The following NBAS variants were observed in gnomAD, a reference collection of about 807,000 sequenced individuals.
The protein encoded by NBAS is NBAS subunit of NRZ tethering complex.
A neutral mutation model predicts 302.5 loss-of-function variants in NBAS; 219 were observed. The observed-to-expected ratio is 0.72, with a 90% CI of 0.65 to 0.81. The LOEUF (loss-of-function observed/expected upper bound fraction) is 0.81. Among genes scored for constraint, NBAS ranks in the 30% least tolerant of loss-of-function variants. NBAS has a pLI of 0.00. For synonymous variants in NBAS, 1,118 were observed against 1,021.6 expected (o/e 1.09, Z -1.80); for missense variants, 2,932 against 2,841.6 (o/e 1.03, Z -0.72).
At chr2:15,328,705 T>A (rs1417383501) in intron 36 of NBAS, among the ~76,000 whole-genome samples, 1 of 152,182 alleles carries the variant, frequency 6.6e-6, no homozygotes, top group Non-Finnish European at 1.5e-5. Context: ...TAAAAATCCT[T>A]TAGTAGCTCT....
At chr2:15,087,715 G>C in the NBAS span, among the ~76,000 whole-genome samples, 1 of 152,250 alleles carries the variant, frequency 6.6e-6, no homozygotes, top group African/African-American at 2.4e-5. Flanking sequence ...CAGCCGGTGA[G>C]AAATTGATGA....
chr2:14,852,420 G>T, the NBAS span, among the ~76,000 whole-genome samples: 43 of 88,136 alleles, frequency 4.9e-4, 10 homozygotes, highest in African/African-American at 2.4e-3. Flanking sequence ...CACTGCTCAA[G>T]GAAATAAAAG....
chr2:15,299,384 C>T (rs1209596821), intron 40 of NBAS, among the ~76,000 whole-genome samples: 1 of 152,164 alleles, frequency 6.6e-6, no homozygotes, highest in Non-Finnish European at 1.5e-5. Flanking sequence ...CAACAAAATG[C>T]TCAATGACTT....
At chr2:14,863,736 C>T in the NBAS span, among the ~76,000 whole-genome samples, 15 of 152,172 alleles carry the variant, frequency 9.9e-5, no homozygotes, top group Non-Finnish European at 1.8e-4. Flanking sequence ...AACGAATTGG[C>T]TTTTAATACA....
intron 21 of NBAS, among the ~76,000 whole-genome samples, chr2:15,439,805 A>G (rs559378357): frequency 6.6e-5 from 10 of 152,324 alleles, no homozygotes; most frequent in African/African-American, 2.4e-4. Flanking sequence ...TCCCACACGA[A>G]TACTGCGCTT....
chr2:15,153,029 C>T, the NBAS span, among the ~76,000 whole-genome samples: 2 of 152,166 alleles, frequency 1.3e-5, no homozygotes, highest in Non-Finnish European at 2.9e-5. Context: ...TTTTTAGGCT[C>T]ACACAGGTTG....
chr2:15,508,407 C>T (rs1172307697), intron 10 of NBAS, among the ~76,000 whole-genome samples: 6 of 152,148 alleles, frequency 3.9e-5, no homozygotes, highest in African/African-American at 1.4e-4. Flanking sequence ...CACTTGCTTG[C>T]CTACTGGGTC....
At position 15,318,930 on chromosome 2, in the gene NBAS, A is replaced by G. The variant is rs150268352; in HGVS notation, c.4582+8820T>C. Among the ~76,000 whole-genome samples the G allele has an allele frequency of 4.5e-3, 690 of 152,290 alleles. 10 individuals are homozygous for G. The highest frequency in any genetic ancestry group is 0.042 in the East Asian group (217 of 5,182). On this transcript the variant is annotated intron_variant, in intron 38 of 51. Transcript: ENST00000281513. ...GACATCTACAGAACTCTCCACCCCA[A>G]ATCAACAGAATATACATTCTTCTTG...
intron 36 of NBAS, among the ~76,000 whole-genome samples, chr2:15,329,495 G>A (rs1199826357): frequency 1.3e-5 from 2 of 152,158 alleles, no homozygotes; most frequent in Non-Finnish European, 2.9e-5. Context: ...GCACTTAAAT[G>A]AGCATAGTAA....
Position 15,276,755 on chromosome 2 carries a change from C to T in NBAS, c.5389+96G>A. ...TTCAAAATTCTGTGGTTTCAGAGCT[C>T]TGCAACCATAATGCATGAACAGGAT... On this transcript the variant is annotated intron_variant, in intron 43 of 51. Coordinates refer to ENST00000281513, the MANE Select transcript of NBAS (RefSeq NM_015909.4). 6.3e-6 allele frequency: 10 copies of T among 1,584,770 alleles called. No individual in the cohort carries two copies. In the South Asian group the frequency reaches 1.1e-4, roughly 18 times the overall value.
chr2:15,287,912 T>C (rs554844977), intron 41 of NBAS, among the ~76,000 whole-genome samples: 5 of 149,348 alleles, frequency 3.3e-5, no homozygotes, highest in Non-Finnish European at 7.4e-5. Flanking sequence ...GAGCACCCCG[T>C]GTAGGCATCC....
At chr2:15,302,310 G>T (rs941867908) in intron 40 of NBAS, among the ~76,000 whole-genome samples, 2 of 152,164 alleles carry the variant, frequency 1.3e-5, no homozygotes, top group African/African-American at 4.8e-5. Context: ...GAAGTCCCTG[G>T]AGAACTAGCT....
the NBAS span, among the ~76,000 whole-genome samples, chr2:14,979,167 A>G: frequency 6.6e-6 from 1 of 152,226 alleles, no homozygotes; most frequent in Non-Finnish European, 1.5e-5. Context: ...ATGCAATAAC[A>G]CTATAAAATA....
the NBAS span, among the ~76,000 whole-genome samples, chr2:15,110,999 G>C: frequency 6.6e-6 from 1 of 152,020 alleles, no homozygotes; most frequent in Non-Finnish European, 1.5e-5. Context: ...ACATCTATAA[G>C]AAAAGAAACA....
At chr2:15,372,903 A>C (rs1249087243) in intron 31 of NBAS, among the ~76,000 whole-genome samples, 2 of 152,194 alleles carry the variant, frequency 1.3e-5, no homozygotes, top group Non-Finnish European at 2.9e-5. Context: ...GTGGACTGTA[A>C]GAAAATGTTT....
the NBAS span, among the ~76,000 whole-genome samples, chr2:14,880,746 G>A: frequency 2.0e-5 from 3 of 151,980 alleles, no homozygotes; most frequent in East Asian, 5.8e-4. Flanking sequence ...CAATGTAACA[G>A]AACTAATATT....
chr2:15,415,499 G>A lies in NBAS; in HGVS notation c.2937+47C>T, dbSNP rs758497835. The A allele has an allele frequency of 3.3e-6, 5 of 1,532,724 alleles. No individual in the cohort carries two copies. The Admixed American group carries it at 6.7e-5, about 20-fold the overall frequency. The allele number at this position is 1,532,724 out of a possible 1,614,324, so 94.9% of individuals were successfully genotyped here. ...AATTGTATAAATAAAACCTAATACT[G>A]TAGGGGAAAAAGTGCCCAGAATTTT... On this transcript the variant is annotated intron_variant, in intron 25 of 51. Transcript: ENST00000281513.
chr2:14,794,490 C>T, the NBAS span, among the ~76,000 whole-genome samples: 10 of 151,836 alleles, frequency 6.6e-5, no homozygotes, highest in South Asian at 2.1e-4. Context: ...TATTGTAAGC[C>T]GAGAAACCAT....
Position 15,180,077 on chromosome 2 carries a change from G to A in NBAS, c.6712-961C>T, listed in dbSNP as rs532542740. 7.2e-5 allele frequency: 11 copies of A among 152,218 alleles called. No homozygotes were observed. In the South Asian group the frequency reaches 8.3e-4, roughly 11 times the overall value. The allele number at this position is 152,218 out of a possible 1,614,324, so 9.4% of individuals were successfully genotyped here. ...TATCCACGGGATTGATTTTTCTCTC[G>A]TGCCATTCAGACAGCAGATCGGAGA... On this transcript the variant is annotated intron_variant, in intron 50 of 51. Transcript: ENST00000281513.
Sources: allele counts gnomAD v4.1 joint callset (sites outside exome capture counted in the v4.1 genomes callset), GRCh38; gene constraint gnomAD v4.1.1; transcripts MANE v1.5; gene names NCBI Gene and HGNC (gene_info 2026-07-23, HGNC 2026-07-21).